The following CEP112 variants were observed in gnomAD, a reference collection of about 807,000 sequenced individuals.
CEP112 encodes the protein centrosomal protein 112, also known as centrosomal protein of 112 kDa.
Under a neutral mutation model 153.0 loss-of-function variants are expected in CEP112, and 127 were observed. The observed-to-expected ratio is 0.83, with a 90% CI of 0.72 to 0.96. The LOEUF (loss-of-function observed/expected upper bound fraction) is 0.96, where lower values mean the gene tolerates loss of function less well. Among genes scored for constraint, CEP112 ranks in the 40% least tolerant of loss-of-function variants. The pLI is 0.00. For missense variants in CEP112, 1,089 were observed against 1,101.2 expected (o/e 0.99, Z 0.16); for synonymous variants, 358 against 374.4 (o/e 0.96, Z 0.51).
intron 17 of CEP112, among the ~76,000 whole-genome samples, chr17:65,970,675 C>T (rs898016087): frequency 6.6e-6 from 1 of 151,696 alleles, no homozygotes; most frequent in African/African-American, 2.4e-5. Context: ...GCATATTACA[C>T]GCATATCACA....
intron 4 of CEP112, among the ~76,000 whole-genome samples, chr17:66,162,974 T>TATC (rs1568563862): frequency 6.6e-6 from 1 of 152,034 alleles, no homozygotes; most frequent in Non-Finnish European, 1.5e-5. Flanking sequence ...ATCTGAAAAA[T>TATC]ATGATGAGTT....
intron 21 of CEP112, among the ~76,000 whole-genome samples, chr17:65,818,932 T>A (rs2056400930): frequency 6.6e-6 from 1 of 151,852 alleles, no homozygotes; most frequent in African/African-American, 2.4e-5. Flanking sequence ...CTATTACACC[T>A]CCATTCTAAG....
chr17:65,729,923 A>G (rs1232720200), intron 23 of CEP112, among the ~76,000 whole-genome samples: 1 of 116,746 alleles, frequency 8.6e-6, no homozygotes, highest in Non-Finnish European at 1.6e-5. Flanking sequence ...AAACAAACAA[A>G]CAAACAAACA....
intron 21 of CEP112, among the ~76,000 whole-genome samples, chr17:65,816,280 A>T (rs1055222242): frequency 6.6e-6 from 1 of 151,956 alleles, no homozygotes; most frequent in Non-Finnish European, 1.5e-5. Flanking sequence ...GTTGTTTTTT[A>T]AAAAAATTTT....
intron 21 of CEP112, among the ~76,000 whole-genome samples, chr17:65,848,887 C>T (rs1458375379): frequency 2.0e-5 from 3 of 152,168 alleles, no homozygotes; most frequent in Non-Finnish European, 2.9e-5. Context: ...TGCCTTCTCA[C>T]GCACATCTGC....
At chr17:65,871,099 A>G (rs1011356371) in intron 20 of CEP112, among the ~76,000 whole-genome samples, 1 of 152,202 alleles carries the variant, frequency 6.6e-6, no homozygotes, top group Non-Finnish European at 1.5e-5. Flanking sequence ...GGACATTACT[A>G]AAGTATTCTA....
chr17:65,820,777 C>T (rs748903535), intron 21 of CEP112, among the ~76,000 whole-genome samples: 1 of 151,946 alleles, frequency 6.6e-6, no homozygotes, highest in Non-Finnish European at 1.5e-5. Context: ...GAAATATAGG[C>T]CTAAATTATA....
chr17:65,914,480 A>G, intron 19 of CEP112, among the ~76,000 whole-genome samples: 1 of 152,018 alleles, frequency 6.6e-6, no homozygotes, highest in East Asian at 1.9e-4. Context: ...TGGCATTCGA[A>G]AAACAGAATT....
chr17:66,029,873 C>T lies in CEP112; in HGVS notation c.1369G>A (p.Ala457Thr). ...ATATCTGATTTCAGACAATACCTTG[C>T]CTTTACTTCTTGTAATTCACTACAC... ...ITCSELQEVK[A>T]RRNTLHKEKD... The change falls in exon 13 of 27, where the codon GCA becomes ACA. Residue 457 changes from alanine to threonine, a missense_variant. Physicochemically the swap from Ala to Thr is moderately conservative, Grantham distance 58. Transcript: ENST00000535342. 1.2e-6 allele frequency: 2 copies of T among 1,612,748 alleles called. No individual in the cohort carries two copies. The highest frequency in any genetic ancestry group is 1.7e-6 in the Non-Finnish European group (2 of 1,179,156).
intron 16 of CEP112, among the ~76,000 whole-genome samples, chr17:66,012,451 T>C (rs2064574388): frequency 6.6e-6 from 1 of 152,198 alleles, no homozygotes; most frequent in Non-Finnish European, 1.5e-5. Context: ...AGCATTTGCT[T>C]GTCTGAAAAG....
chr17:65,998,079 T>C (rs985182434), intron 17 of CEP112, among the ~76,000 whole-genome samples: 1 of 152,078 alleles, frequency 6.6e-6, no homozygotes. Flanking sequence ...TTTGGGGTGA[T>C]AGAAATGTTC....
chr17:65,907,505 T>C (rs1398175011), intron 19 of CEP112, among the ~76,000 whole-genome samples: 1 of 152,058 alleles, frequency 6.6e-6, no homozygotes, highest in Non-Finnish European at 1.5e-5. Flanking sequence ...AGGAGGATAA[T>C]TTTCAATTTA....
At chr17:66,134,056 C>T (rs2070322761) in intron 4 of CEP112, among the ~76,000 whole-genome samples, 1 of 151,948 alleles carries the variant, frequency 6.6e-6, no homozygotes, top group Non-Finnish European at 1.5e-5. Flanking sequence ...CTGATACAAG[C>T]ATTTAAAACT....
intron 12 of CEP112, among the ~76,000 whole-genome samples, chr17:66,034,970 T>TTTTGTGTG (rs1555777524): frequency 1.0e-5 from 1 of 96,756 alleles, no homozygotes; most frequent in Non-Finnish European, 2.0e-5. Context: ...AGCTAAGTTT[T>TTTTGTGTG]TGCATGTATA....
chr17:65,902,704 C>T (rs946608990), intron 19 of CEP112, among the ~76,000 whole-genome samples: 1 of 151,964 alleles, frequency 6.6e-6, no homozygotes. Flanking sequence ...ATGTAAAAAG[C>T]AGCAATTAAA....
At chr17:66,167,994 T>G (rs2146813375) in intron 4 of CEP112, among the ~76,000 whole-genome samples, 1 of 152,334 alleles carries the variant, frequency 6.6e-6, no homozygotes, top group East Asian at 1.9e-4. Context: ...ACTAGAAAAT[T>G]TTTTATTTTT....
chr17:66,155,204 T>C (rs2109471), intron 4 of CEP112, among the ~76,000 whole-genome samples: 101,143 of 151,956 alleles, frequency 0.67, 35,330 homozygotes, highest in Non-Finnish European at 0.77. Context: ...CTAATCTCAC[T>C]GGGACTGGTT....
At chr17:65,651,332 T>C (rs768338413) in intron 24 of CEP112, among the ~76,000 whole-genome samples, 1 of 152,220 alleles carries the variant, frequency 6.6e-6, no homozygotes, top group African/African-American at 2.4e-5. Context: ...TATCCACTCA[T>C]TGATTGATGG....
chr17:66,003,521 T>G (rs2064145677), intron 17 of CEP112, among the ~76,000 whole-genome samples: 2 of 152,246 alleles, frequency 1.3e-5, no homozygotes, highest in Admixed American at 1.3e-4. Context: ...GGAAAATCAT[T>G]AAGAACATCA....
Sources: gnomAD v4.1 joint callset for allele counts (sites outside exome capture counted in the v4.1 genomes callset) on GRCh38, gnomAD v4.1.1 for gene constraint, MANE v1.5 for transcripts, NCBI Gene and HGNC (gene_info 2026-07-23, HGNC 2026-07-21) for gene names.